NRXN3: variants seen among roughly 807,000 people sequenced by gnomAD.
NRXN3 encodes the protein neurexin III.
NRXN3 carries 32 observed loss-of-function variants against 137.6 expected under a neutral mutation model. The observed-to-expected ratio is 0.23, with a 90% CI of 0.18 to 0.31. The LOEUF (loss-of-function observed/expected upper bound fraction) is 0.31, where lower values mean the gene tolerates loss of function less well. Ranked by LOEUF, NRXN3 falls within the 10% of genes least tolerant of loss-of-function variation. NRXN3 has a pLI of 1.00. For missense variants in NRXN3, 1,574 were observed against 2,062.5 expected (o/e 0.76, Z 4.59); for synonymous variants, 798 against 784.5 (o/e 1.02, Z -0.29).
chr14:79,579,777 A>T (rs1209906223), intron 16 of NRXN3, among the ~76,000 whole-genome samples: 1 of 152,130 alleles, frequency 6.6e-6, no homozygotes, highest in East Asian at 1.9e-4. Context: ...AGTATTTATC[A>T]CTTCTATGTG....
chr14:79,687,146 G>C (rs2098698551), intron 17 of NRXN3, among the ~76,000 whole-genome samples: 1 of 152,190 alleles, frequency 6.6e-6, no homozygotes, highest in Admixed American at 6.5e-5. Flanking sequence ...TTAATGAGAT[G>C]ATGCTTATAA....
At chr14:78,943,624 ATATAT>A (rs2099358913) in intron 10 of NRXN3, among the ~76,000 whole-genome samples, 309 of 15,826 alleles carry the variant, frequency 0.02, 24 homozygotes, top group Non-Finnish European at 0.03. Flanking sequence ...AAAAAAAAAT[ATATAT>A]ATATATATAT....
chr14:79,565,239 A>ACG (rs2097535954), intron 16 of NRXN3, among the ~76,000 whole-genome samples: 2 of 109,758 alleles, frequency 1.8e-5, no homozygotes, highest in Admixed American at 2.0e-4. Context: ...ATATACATAT[A>ACG]TGTGTGTGTA....
intron 10 of NRXN3, among the ~76,000 whole-genome samples, chr14:78,851,167 A>G (rs1183909381): frequency 1.3e-5 from 2 of 152,216 alleles, no homozygotes; most frequent in Admixed American, 6.5e-5. Context: ...ATCAAAATAC[A>G]CAAGTCAGAG....
chr14:79,596,045 G>T (rs928133426), intron 16 of NRXN3, among the ~76,000 whole-genome samples: 1 of 150,948 alleles, frequency 6.6e-6, no homozygotes, highest in Non-Finnish European at 1.5e-5. Flanking sequence ...ATCTTGGGAT[G>T]GGTTTTTTTT....
intron 19 of NRXN3, among the ~76,000 whole-genome samples, chr14:79,789,423 G>T (rs1318228879): frequency 6.6e-6 from 1 of 152,138 alleles, no homozygotes; most frequent in East Asian, 1.9e-4. Flanking sequence ...ACGCAAGAAA[G>T]AATTCAGGGT....
intron 4 of NRXN3, among the ~76,000 whole-genome samples, chr14:78,432,394 C>T (rs760253065): frequency 1.3e-5 from 2 of 151,858 alleles, no homozygotes; most frequent in Admixed American, 1.3e-4. Flanking sequence ...GCAACTTGAC[C>T]CCTTGCTGCC....
intron 15 of NRXN3, among the ~76,000 whole-genome samples, chr14:79,191,236 G>A (rs974742544): frequency 2.6e-5 from 4 of 152,122 alleles, no homozygotes; most frequent in African/African-American, 9.7e-5. Flanking sequence ...AAGAACACAG[G>A]CCAGACACCA....
At chr14:79,499,956 CGTGTGTGT>C (rs35371414) in intron 16 of NRXN3, among the ~76,000 whole-genome samples, 6 of 145,234 alleles carry the variant, frequency 4.1e-5, no homozygotes, top group East Asian at 2.0e-4. Flanking sequence ...ATCTTAGGGT[CGTGTGTGT>C]GTGTGTGTGT....
chr14:78,402,813 T>C (rs1488450910), intron 4 of NRXN3, among the ~76,000 whole-genome samples: 1 of 152,184 alleles, frequency 6.6e-6, no homozygotes, highest in Admixed American at 6.5e-5. Context: ...GGCTACTAAA[T>C]AAGATAATGC....
At chr14:79,170,248 C>G (rs2061652731) in intron 15 of NRXN3, among the ~76,000 whole-genome samples, 1 of 152,062 alleles carries the variant, frequency 6.6e-6, no homozygotes. Flanking sequence ...TGTAACATAG[C>G]TGAGGAGAAG....
intron 15 of NRXN3, among the ~76,000 whole-genome samples, chr14:79,062,898 T>C (rs2099675955): frequency 6.6e-6 from 1 of 152,202 alleles, no homozygotes; most frequent in African/African-American, 2.4e-5. Flanking sequence ...GGTTTTACCA[T>C]ATTAGCAATT....
chr14:79,480,847 G>A (rs1457066231), intron 16 of NRXN3, among the ~76,000 whole-genome samples: 1 of 152,078 alleles, frequency 6.6e-6, no homozygotes, highest in East Asian at 1.9e-4. Context: ...CATGTAAGAT[G>A]TGCTAGCTTC....
intron 15 of NRXN3, among the ~76,000 whole-genome samples, chr14:79,392,739 A>T (rs1330536268): frequency 6.6e-6 from 1 of 152,106 alleles, no homozygotes. Flanking sequence ...TGGGAGGCCG[A>T]GGCAGGCAGA....
intron 16 of NRXN3, among the ~76,000 whole-genome samples, chr14:79,658,448 G>A (rs375849089): frequency 9.9e-5 from 15 of 152,160 alleles, no homozygotes; most frequent in East Asian, 7.7e-4. Flanking sequence ...CCGCTACCAG[G>A]AGTTTGCTGG....
intron 15 of NRXN3, among the ~76,000 whole-genome samples, chr14:79,097,745 A>G (rs571827673): frequency 2.6e-5 from 4 of 152,298 alleles, no homozygotes; most frequent in Non-Finnish European, 4.4e-5. Context: ...TGAAGCCTGT[A>G]TATATTTTTC....
rs1366332434 is a variant in NRXN3 at position 79,625,045 on chromosome 14, C to T, written c.3445-38733C>T. ...AACTCCTGAGCTCAAGTGATTCTCCCACCTCAGCCTCCCAAAGTGCTGGAA... is the reference window on the plus strand; with the variant it reads ...AACTCCTGAGCTCAAGTGATTCTCCTACCTCAGCCTCCCAAAGTGCTGGAA... On this transcript the variant is annotated intron_variant, in intron 16 of 20. Coordinates refer to ENST00000335750, the MANE Select transcript of NRXN3 (RefSeq NM_001330195.2). Among the ~76,000 whole-genome samples, 8 of 152,156 alleles carry T rather than the reference C, an allele frequency of 5.3e-5. No homozygotes were observed. In the East Asian group the frequency reaches 1.5e-3, roughly 29 times the overall value.
At chr14:79,814,748 T>A (rs1027522325) in intron 20 of NRXN3, among the ~76,000 whole-genome samples, 1 of 152,200 alleles carries the variant, frequency 6.6e-6, no homozygotes, top group Non-Finnish European at 1.5e-5. Flanking sequence ...GAATTGTTAG[T>A]GAGGGAGCAT....
At chr14:79,770,841 T>G (rs1209017614) in intron 19 of NRXN3, among the ~76,000 whole-genome samples, 1 of 151,694 alleles carries the variant, frequency 6.6e-6, no homozygotes, top group Non-Finnish European at 1.5e-5. Context: ...CAGGAGCTGG[T>G]TTTTTGAAAG....
Sources: allele counts gnomAD v4.1 joint callset (sites outside exome capture counted in the v4.1 genomes callset), GRCh38; gene constraint gnomAD v4.1.1; transcripts MANE v1.5; gene names NCBI Gene and HGNC (gene_info 2026-07-23, HGNC 2026-07-21).